The following DIP2C variants were observed in gnomAD, a reference collection of about 807,000 sequenced individuals.
DIP2C encodes disco-interacting protein 2 homolog C.
A neutral mutation model predicts 192.4 loss-of-function variants in DIP2C; 33 were observed. The observed-to-expected ratio is 0.17, with a 90% CI of 0.13 to 0.23. The LOEUF is 0.23. DIP2C is among the 10% of genes least tolerant of loss of function. DIP2C has a pLI of 1.00. For missense variants in DIP2C, 1,537 were observed against 2,110.1 expected (o/e 0.73, Z 5.32); for synonymous variants, 979 against 864.1 (o/e 1.13, Z -2.33).
intron 1 of DIP2C, among the ~76,000 whole-genome samples, chr10:643,438 C>T (rs974791013): frequency 2.6e-5 from 4 of 151,938 alleles, no homozygotes; most frequent in Non-Finnish European, 2.9e-5. Flanking sequence ...GGCACGAACC[C>T]GGGAGGCGGA....
chr10:363,424 A>T lies in DIP2C; in HGVS notation c.2478-113T>A. 1.2e-6 allele frequency: 1 copy of T among 847,492 alleles called. No homozygotes were observed. Among genetic ancestry groups the T allele is most frequent in the South Asian group, 1.6e-5 (1 of 63,704 alleles). The allele number at this position is 847,492 out of a possible 1,614,324, so 52.5% of individuals were successfully genotyped here. A position where few individuals can be genotyped will look rare whatever the true frequency, so the allele number is the denominator to read the frequency against. On this transcript the variant is annotated intron_variant, in intron 20 of 36. Coordinates refer to ENST00000280886, the MANE Select transcript of DIP2C (RefSeq NM_014974.3). The surrounding 1 kb of genome is among the most constrained non-coding windows in gnomAD (Gnocchi z 5.4). ...AGTGAGTGACACAGCTCCAACTACG[A>T]CTTCAAAACGGCCGCTGTACTTCCG...
chr10:581,446 A>G (rs969942090), intron 1 of DIP2C, among the ~76,000 whole-genome samples: 10 of 152,200 alleles, frequency 6.6e-5, no homozygotes, highest in African/African-American at 2.4e-4. Context: ...TGCTAATCAA[A>G]AATGTACTTA....
chr10:277,891 C>T (rs902161441), intron 36 of DIP2C, among the ~76,000 whole-genome samples: 2 of 152,230 alleles, frequency 1.3e-5, no homozygotes, highest in Non-Finnish European at 2.9e-5. Flanking sequence ...TCCAGTGCTG[C>T]CTCTTTGCTG....
intron 1 of DIP2C, among the ~76,000 whole-genome samples, chr10:654,128 C>T (rs958068060): frequency 3.3e-5 from 5 of 152,202 alleles, no homozygotes; most frequent in Non-Finnish European, 5.9e-5. Context: ...GGGAATTCTG[C>T]TCCATAAACC....
At chr10:488,931 G>A (rs534799320) in intron 1 of DIP2C, among the ~76,000 whole-genome samples, 2 of 152,350 alleles carry the variant, frequency 1.3e-5, no homozygotes, top group South Asian at 2.1e-4. Flanking sequence ...CTGACGCAGA[G>A]AGACCTGCAG....
chr10:366,754 C>T (rs1259354067), intron 18 of DIP2C, among the ~76,000 whole-genome samples: 1 of 152,218 alleles, frequency 6.6e-6, no homozygotes, highest in Non-Finnish European at 1.5e-5. Flanking sequence ...CAGACATCAG[C>T]AACGTGGTGC....
chr10:639,142 G>A lies in DIP2C; in HGVS notation c.85+50352C>T, dbSNP rs865917906. On this transcript the variant is annotated intron_variant, in intron 1 of 36. Coordinates refer to ENST00000280886, the MANE Select transcript of DIP2C (RefSeq NM_014974.3). ...CGGCTCACAGTCCACACATGGGGAC[G>A]CGTCAGGTCGGGAGGGTGCTGCCCG... is the stretch of plus-strand genomic sequence containing the variant. 1.1e-3 allele frequency among the ~76,000 whole-genome samples: 163 copies of A among 150,392 alleles called. 1 individual carries two copies. The highest frequency in any genetic ancestry group is 3.6e-3 in the Middle Eastern group (1 of 278).
chr10:578,423 A>G (rs544113411), intron 1 of DIP2C, among the ~76,000 whole-genome samples: 8 of 152,342 alleles, frequency 5.3e-5, no homozygotes, highest in African/African-American at 1.9e-4. Context: ...CTGCTATATT[A>G]GTTCTACCTC....
At chr10:294,651 G>C (rs1377351903) in intron 32 of DIP2C, among the ~76,000 whole-genome samples, 1 of 151,462 alleles carries the variant, frequency 6.6e-6, no homozygotes, top group Non-Finnish European at 1.5e-5. Flanking sequence ...GTGGCAAAGA[G>C]TGGGATAAAT....
chr10:337,890 CTGTG>C lies in DIP2C; in HGVS notation c.3584+3305_3584+3308del, dbSNP rs1210088567. 2.8e-4 allele frequency among the ~76,000 whole-genome samples: 35 copies of C among 125,352 alleles called. 1 individual carries two copies. Among genetic ancestry groups the C allele is most frequent in the African/African-American group, 4.4e-4 (14 of 32,006 alleles). 82.2% of individuals were successfully genotyped at this position (125,352 alleles called of 152,430 possible). A position where few individuals can be genotyped will look rare whatever the true frequency, so the allele number is the denominator to read the frequency against. Reference sequence around the variant, plus strand: ...ACGTGTGTTGTAGAGGCCTAGGAAGCTGTGTGTGTGTGTTGTGGAGGCCTAGGCT... The same window carrying C: ...ACGTGTGTTGTAGAGGCCTAGGAAGCTGTGTGTGTTGTGGAGGCCTAGGCT... On this transcript the variant is annotated intron_variant, in intron 29 of 36. Coordinates refer to ENST00000280886, the MANE Select transcript of DIP2C (RefSeq NM_014974.3).
At chr10:597,987 G>GAA (rs1851816470) in intron 1 of DIP2C, among the ~76,000 whole-genome samples, 1 of 152,156 alleles carries the variant, frequency 6.6e-6, no homozygotes, top group Non-Finnish European at 1.5e-5. Flanking sequence ...TGGACTCTGG[G>GAA]GCTGACGTGG....
At chr10:331,176 T>C (rs913427003) in intron 29 of DIP2C, among the ~76,000 whole-genome samples, 1 of 152,132 alleles carries the variant, frequency 6.6e-6, no homozygotes, top group African/African-American at 2.4e-5. Flanking sequence ...TGTTAACTAC[T>C]ATGCTATAAT....
At chr10:512,741 C>T (rs1846095510) in intron 1 of DIP2C, among the ~76,000 whole-genome samples, 1 of 151,918 alleles carries the variant, frequency 6.6e-6, no homozygotes, top group Non-Finnish European at 1.5e-5. Context: ...TGGCAAAACC[C>T]CATCTCTAAT....
At chr10:305,126 CACA>C (rs1956251351) in intron 32 of DIP2C, among the ~76,000 whole-genome samples, 3 of 152,186 alleles carry the variant, frequency 2.0e-5, no homozygotes, top group African/African-American at 2.4e-5. Context: ...ACTTGTAACA[CACA>C]ACAGCATATA....
intron 1 of DIP2C, among the ~76,000 whole-genome samples, chr10:627,398 G>A (rs1854265533): frequency 6.6e-6 from 1 of 152,226 alleles, no homozygotes. Flanking sequence ...TTTCAGCTGG[G>A]TTCGCTGCTT....
At chr10:290,631 T>C (rs1000750529) in intron 32 of DIP2C, among the ~76,000 whole-genome samples, 2 of 151,998 alleles carry the variant, frequency 1.3e-5, no homozygotes, top group African/African-American at 4.8e-5. Flanking sequence ...TCACCCCAAA[T>C]GAAGACAGCA....
intron 24 of DIP2C, among the ~76,000 whole-genome samples, chr10:356,074 CCTCAAAA>C (rs2132674926): frequency 6.6e-6 from 1 of 152,084 alleles, no homozygotes; most frequent in Admixed American, 6.6e-5. Flanking sequence ...AGCGAGACTG[CCTCAAAA>C]CACAAAACAA....
rs553745636 is a variant in DIP2C, at chr10:682,698, G to A, written c.85+6796C>T. 2.1e-3 allele frequency among the ~76,000 whole-genome samples: 324 copies of A among 151,420 alleles called. 1 individual carries two copies. Among genetic ancestry groups the A allele is most frequent in the Middle Eastern group, 6.8e-3 (2 of 294 alleles). ...ATTTTTTATTTTTTAATTTTTAATG[G>A]TATATTACTTCTCTAATATATGATT... is the stretch of plus-strand genomic sequence containing the variant. On this transcript the variant is annotated intron_variant, in intron 1 of 36. Transcript: ENST00000280886.
At chr10:383,031 A>AC (rs556534999) in intron 16 of DIP2C, among the ~76,000 whole-genome samples, 315 of 152,362 alleles carry the variant, frequency 2.1e-3, no homozygotes, top group Non-Finnish European at 2.7e-3. Context: ...GACTTGTTCC[A>AC]CCATTTTCAG....
Sources: gnomAD v4.1 joint callset for allele counts (sites outside exome capture counted in the v4.1 genomes callset) on GRCh38, gnomAD v4.1.1 for gene constraint, Gnocchi (gnomAD v3.1) non-coding constraint, MANE v1.5 for transcripts, NCBI Gene and HGNC (gene_info 2026-07-23, HGNC 2026-07-21) for gene names.